The following LMNA variants were observed in gnomAD, a reference collection of about 807,000 sequenced individuals.
LMNA encodes lamin A/C, also known as lamin.
LMNA carries 20 observed loss-of-function variants against 70.4 expected under a neutral mutation model. The observed-to-expected ratio is 0.28, with a 90% CI of 0.20 to 0.41. The LOEUF (loss-of-function observed/expected upper bound fraction) is 0.41. Ranked by LOEUF, LMNA falls within the 10% of genes least tolerant of loss-of-function variation. The pLI is 1.00. For missense variants in LMNA, 652 were observed against 917.2 expected (o/e 0.71, Z 3.73); for synonymous variants, 339 against 372.8 (o/e 0.91, Z 1.04).
At chr1:156,111,449 C>CAA (rs5777973), upstream of LMNA, among the ~76,000 whole-genome samples, 7 of 119,670 alleles carry the variant, frequency 5.8e-5, no homozygotes, top group African/African-American at 2.4e-4. Flanking sequence ...AACTCTGTCT[C>CAA]AAAAAAAAAA....
intron 2 of LMNA, among the ~76,000 whole-genome samples, chr1:156,088,012 C>T (rs1318433144): frequency 1.3e-5 from 2 of 152,010 alleles, no homozygotes; most frequent in Non-Finnish European, 2.9e-5. Context: ...GCTGGGACTA[C>T]AGGCGCGCAC....
Position 156,120,798 on chromosome 1 carries a change from G to A in LMNA, c.356+5524G>A, listed in dbSNP as rs887863245. Among the ~76,000 whole-genome samples the A allele has an allele frequency of 1.4e-4, 21 of 152,174 alleles. No individual in the cohort carries two copies. The East Asian group carries it at 4.0e-3, about 29-fold the overall frequency. ...TAGCCTTTGCTCCAGCCTATACCTG[G>A]ACCCAGGACCCCTGCCAGCCCCTCA... is the stretch of plus-strand genomic sequence containing the variant. On this transcript the variant is annotated intron_variant, in intron 1 of 11. Transcript: ENST00000368300.
At chr1:156,128,541 G>A (rs116755477) in intron 1 of LMNA, among the ~76,000 whole-genome samples, 1,834 of 152,306 alleles carry the variant, frequency 0.012, 22 homozygotes, top group Non-Finnish European at 0.02. Flanking sequence ...TCAGGGAAAC[G>A]CTTTGTGCCA....
intron 3 of LMNA, among the ~76,000 whole-genome samples, chr1:156,096,858 C>G (rs1336666114): frequency 3.3e-5 from 5 of 152,234 alleles, no homozygotes; most frequent in Admixed American, 6.5e-5. Flanking sequence ...CATGCCCAGG[C>G]GCTGAGGGTT....
Position 156,135,422 on chromosome 1 carries a change from G to A in LMNA, c.936+110G>A, listed in dbSNP as rs1359255099. The A allele has an allele frequency of 4.3e-6, 6 of 1,407,288 alleles. No homozygotes were observed. Among genetic ancestry groups the A allele is most frequent in the Admixed American group, 2.0e-5 (1 of 50,756 alleles). The allele number at this position is 1,407,288 out of a possible 1,614,324, so 87.2% of individuals were successfully genotyped here. A position where few individuals can be genotyped will look rare whatever the true frequency, so the allele number is the denominator to read the frequency against. ...GGGGGTGGGAGGTTCCTGAGGAGGA[G>A]AGGGATGAAAAGTGTCCCCACAACC... On this transcript the variant is annotated intron_variant, in intron 5 of 11. Coordinates refer to ENST00000368300, the MANE Select transcript of LMNA (RefSeq NM_170707.4). This position sits in a 1 kb window ranked among gnomAD's most constrained non-coding sequence, Gnocchi z 4.8.
At chr1:156,127,272 G>A (rs1257660713) in intron 1 of LMNA, among the ~76,000 whole-genome samples, 3 of 152,142 alleles carry the variant, frequency 2.0e-5, no homozygotes, top group Non-Finnish European at 2.9e-5. Context: ...TGGGGTGTGC[G>A]TGTGGCTCCC....
intron 1 of LMNA, among the ~76,000 whole-genome samples, chr1:156,125,531 T>C (rs1650494312): frequency 6.6e-6 from 1 of 151,096 alleles, no homozygotes; most frequent in South Asian, 2.1e-4. Flanking sequence ...CTACTAAAAA[T>C]GCCAAAAATT....
At chr1:156,133,873 C>G (rs1024911829) in intron 2 of LMNA, among the ~76,000 whole-genome samples, 4 of 152,172 alleles carry the variant, frequency 2.6e-5, no homozygotes, top group Non-Finnish European at 4.4e-5. Context: ...GGGTCTTAGC[C>G]TCTTGGAGGC....
In LMNA at chr1:156,139,816, G is replaced by C; in HGVS notation, c.*710G>C. 1 of 1,530,318 alleles carries C rather than the reference G, an allele frequency of 6.5e-7. No homozygotes were observed. The highest frequency in any genetic ancestry group is 1.2e-5 in the South Asian group (1 of 83,444). 94.8% of individuals were successfully genotyped at this position (1,530,318 alleles called of 1,614,324 possible). A position where few individuals can be genotyped will look rare whatever the true frequency, so the allele number is the denominator to read the frequency against. On this transcript the variant is annotated 3_prime_UTR_variant, in exon 12 of 12. Coordinates refer to ENST00000368300, the MANE Select transcript of LMNA (RefSeq NM_170707.4). Reference sequence around the variant, plus strand: ...GGAGGTGGAAGAAGGGAGAAGAAAGGTGAGTTTGAGCTGCCTTCCCTAGCT... The same window carrying C: ...GGAGGTGGAAGAAGGGAGAAGAAAGCTGAGTTTGAGCTGCCTTCCCTAGCT...
intron 1 of LMNA, among the ~76,000 whole-genome samples, chr1:156,124,242 AG>A (rs1247515674): frequency 3.3e-5 from 5 of 151,800 alleles, no homozygotes; most frequent in Non-Finnish European, 7.4e-5. Context: ...GGAAGGCTCA[AG>A]GGGCTTCTAA....
intron 1 of LMNA, among the ~76,000 whole-genome samples, chr1:156,122,615 C>G (rs182039934): frequency 6.6e-6 from 1 of 152,350 alleles, no homozygotes; most frequent in East Asian, 1.9e-4. Flanking sequence ...ATGCCTCTCC[C>G]TTCTGGACGG....
chr1:156,135,120 C>A lies in LMNA; in HGVS notation c.811-67C>A. The A allele has an allele frequency of 6.2e-7, 1 of 1,612,702 alleles. No individual in the cohort carries two copies. The highest frequency in any genetic ancestry group is 8.5e-7 in the Non-Finnish European group (1 of 1,179,220). ...GGACCTGGGGCTGTAGCAGTGATGC[C>A]CAACTCAGGCCTGTGCCTCCACCCC... On this transcript the variant is annotated intron_variant, in intron 4 of 11. Transcript: ENST00000368300. The surrounding 1 kb of genome is among the most constrained non-coding windows in gnomAD (Gnocchi z 4.8).
In LMNA at chr1:156,134,810, G is replaced by A. The variant is rs80356808; in HGVS notation, c.645G>A (p.Leu215=). The change falls in exon 4 of 12, where the codon CTG becomes CTA. Residue 215 remains leucine, a synonymous_variant. Coordinates refer to ENST00000368300, the MANE Select transcript of LMNA (RefSeq NM_170707.4). This position sits in a 1 kb window ranked among gnomAD's most constrained non-coding sequence, Gnocchi z 5.3. ...CCTTCCTCCAACCCTTCCAGGAGCT[G>A]CGTGAGACCAAGCGCCGTCATGAGA... is the stretch of plus-strand genomic sequence containing the variant. ...DFQKNIYSEE[L]RETKRRHETR... 3.1e-6 allele frequency: 5 copies of A among 1,614,216 alleles called. No homozygotes were observed. The South Asian group carries it at 5.5e-5, about 18-fold the overall frequency.
intron 2 of LMNA, among the ~76,000 whole-genome samples, chr1:156,088,806 C>T (rs1396975323): frequency 3.3e-5 from 5 of 152,088 alleles, no homozygotes; most frequent in Admixed American, 6.5e-5. Context: ...TGTGCCACCA[C>T]AACTGGCTAC....
At chr1:156,116,346 C>G (rs1649826960) in intron 1 of LMNA, among the ~76,000 whole-genome samples, 1 of 148,166 alleles carries the variant, frequency 6.7e-6, no homozygotes, top group East Asian at 2.1e-4. Flanking sequence ...CCCACCCTAC[C>G]CCACCCTACT....
At position 156,136,086 on chromosome 1, in the gene LMNA, C is replaced by T. The variant is rs143715750; in HGVS notation, c.1122C>T (p.His374=). 70 of 1,613,928 alleles carry T rather than the reference C, an allele frequency of 4.3e-5. 1 individual carries two copies. In the South Asian group the frequency reaches 4.6e-4, roughly 11 times the overall value. ...DIKLALDMEI[H]AYRKLLEGEE... is the part of the protein sequence containing the mutation. Reference sequence around the variant, plus strand: ...AGCTGGCCCTGGACATGGAGATCCACGCCTACCGCAAGCTCTTGGAGGGCG... The same window carrying T: ...AGCTGGCCCTGGACATGGAGATCCATGCCTACCGCAAGCTCTTGGAGGGCG... Residue 374 remains histidine (H), a synonymous_variant, in exon 6 of 12, where the codon CAC becomes CAT. Transcript: ENST00000368300. This position sits in a 1 kb window ranked among gnomAD's most constrained non-coding sequence, Gnocchi z 6.1.
intron 3 of LMNA, among the ~76,000 whole-genome samples, chr1:156,091,922 A>AT (rs1014638897): frequency 2.2e-4 from 33 of 147,484 alleles, no homozygotes; most frequent in East Asian, 1.6e-3. Context: ...ACAAAAAAAA[A>AT]TTTTTTTTTT....
Position 156,136,026 on chromosome 1 carries a change from G to A in LMNA, c.1062G>A (p.Gln354=), listed in dbSNP as rs1323179494. The change falls in exon 6 of 12, where the codon CAG becomes CAA. Residue 354 remains glutamine, a synonymous_variant. Transcript: ENST00000368300. This position sits in a 1 kb window ranked among gnomAD's most constrained non-coding sequence, Gnocchi z 6.1. ...EMAEMRARMQ[Q]QLDEYQELLD... is the part of the protein sequence containing the mutation. ...CCGAGATGCGGGCAAGGATGCAGCA[G>A]CAGCTGGACGAGTACCAGGAGCTTC... The A allele has an allele frequency of 1.2e-6, 2 of 1,614,208 alleles. No homozygotes were observed. Among genetic ancestry groups the A allele is most frequent in the Admixed American group, 3.3e-5 (2 of 60,036 alleles).
intron 3 of LMNA, among the ~76,000 whole-genome samples, chr1:156,093,298 A>AGTTTTTTTTT (rs1399858052): frequency 7.3e-6 from 1 of 137,222 alleles, no homozygotes; most frequent in Non-Finnish European, 1.5e-5. Context: ...TTTATATGTC[A>AGTTTTTTTTT]ATTTTTTTTT....
Sources: allele counts gnomAD v4.1 joint callset (sites outside exome capture counted in the v4.1 genomes callset), GRCh38; gene constraint gnomAD v4.1.1; non-coding constraint Gnocchi (gnomAD v3.1); transcripts MANE v1.5; gene names NCBI Gene and HGNC (gene_info 2026-07-23, HGNC 2026-07-21).